STAB2: variants seen among roughly 807,000 people sequenced by gnomAD.
The protein encoded by STAB2 is stabilin-2.
Under a neutral mutation model 338.1 loss-of-function variants are expected in STAB2, and 288 were observed. The observed-to-expected ratio is 0.85, with a 90% CI of 0.77 to 0.94. The LOEUF (loss-of-function observed/expected upper bound fraction) is 0.94. Ranked by LOEUF, STAB2 falls within the 40% of genes least tolerant of loss-of-function variation. The pLI is 0.00. For synonymous variants in STAB2, 1,202 were observed against 1,193.3 expected (o/e 1.01, Z -0.15); for missense variants, 3,141 against 3,210.1 (o/e 0.98, Z 0.52).
intron 47 of STAB2, 128 bp from the exon 48 acceptor site, chr12:103,728,721 A>C: frequency 1.7e-6 from 2 of 1,198,400 alleles, no homozygotes; most frequent in East Asian, 4.7e-5. Flanking sequence ...CTGACCACAA[A>C]GCTTACTTCC....
At chr12:103,760,348 C>T (rs922230898) in intron 65 of STAB2, among the ~76,000 whole-genome samples, 1 of 152,180 alleles carries the variant, frequency 6.6e-6, no homozygotes, top group African/African-American at 2.4e-5. Flanking sequence ...GCAACCTCCC[C>T]CTCCTGGATT....
chr12:103,661,972 G>A (rs755144461), intron 17 of STAB2, among the ~76,000 whole-genome samples: 1 of 152,168 alleles, frequency 6.6e-6, no homozygotes, highest in Non-Finnish European at 1.5e-5. Context: ...AGGAGAAGCA[G>A]TTGGAGGATT....
Position 103,762,750 on chromosome 12 carries a change from A to G in STAB2, c.7488+348A>G, listed in dbSNP as rs143040590. On this transcript the variant is annotated intron_variant, in intron 67 of 68. Transcript: ENST00000388887. ...AGGATTCACTGCACAAGCACACCCCATGACCTAGCTTGGGCTTCAAGACCG... is the reference window on the plus strand; with the variant it reads ...AGGATTCACTGCACAAGCACACCCCGTGACCTAGCTTGGGCTTCAAGACCG... 1.9e-3 allele frequency among the ~76,000 whole-genome samples: 290 copies of G among 152,326 alleles called. 1 individual carries two copies. The highest frequency in any genetic ancestry group is 6.6e-3 in the African/African-American group (273 of 41,582).
At chr12:103,692,929 T>A in intron 31 of STAB2, 40 bp downstream of exon 31, 3 of 1,566,648 alleles carry the variant, frequency 1.9e-6, no homozygotes, top group Non-Finnish European at 2.6e-6. Flanking sequence ...GCATCTCTTT[T>A]CCCTTTGTTG....
At chr12:103,708,146 T>C (rs1879533191) in intron 38 of STAB2, among the ~76,000 whole-genome samples, 1 of 152,126 alleles carries the variant, frequency 6.6e-6, no homozygotes, top group South Asian at 2.1e-4. Flanking sequence ...GATCCTCAGG[T>C]AACCTTGACT....
intron 27 of STAB2, among the ~76,000 whole-genome samples, chr12:103,687,953 G>C (rs962471028): frequency 1.3e-5 from 2 of 152,220 alleles, no homozygotes; most frequent in Admixed American, 1.3e-4. Context: ...AGCCACCTTA[G>C]TGTGAAAGAA....
At chr12:103,649,147 G>A (rs921462087) in intron 10 of STAB2, among the ~76,000 whole-genome samples, 7 of 152,166 alleles carry the variant, frequency 4.6e-5, no homozygotes, top group African/African-American at 7.2e-5. Flanking sequence ...TGTCCCCCTC[G>A]TCCTTGACCT....
chr12:103,757,430 T>C (rs1441303085), intron 63 of STAB2, among the ~76,000 whole-genome samples: 1 of 152,160 alleles, frequency 6.6e-6, no homozygotes, highest in East Asian at 1.9e-4. Context: ...TTGAGATATA[T>C]CAGTGAACAA....
intron 47 of STAB2, among the ~76,000 whole-genome samples, chr12:103,728,609 A>AG (rs1394756240): frequency 6.6e-6 from 1 of 152,252 alleles, no homozygotes; most frequent in Non-Finnish European, 1.5e-5. Flanking sequence ...TCCAGGCCAG[A>AG]GGAACCCCAT....
intron 15 of STAB2, among the ~76,000 whole-genome samples, chr12:103,657,250 A>G (rs1327186929): frequency 6.7e-6 from 1 of 150,364 alleles, no homozygotes; most frequent in Non-Finnish European, 1.5e-5. Flanking sequence ...AAAAAAAGGT[A>G]ATGTTGTTCC....
At chr12:103,733,763 A>G (rs1042139192) in intron 51 of STAB2, among the ~76,000 whole-genome samples, 8 of 152,086 alleles carry the variant, frequency 5.3e-5, no homozygotes, top group Non-Finnish European at 1.2e-4. Context: ...AGGAACATAC[A>G]TGATCATATA....
At chr12:103,673,083 A>G (rs991614924) in intron 22 of STAB2, among the ~76,000 whole-genome samples, 3 of 152,186 alleles carry the variant, frequency 2.0e-5, no homozygotes, top group Admixed American at 1.3e-4. Context: ...TCAGTGCCCA[A>G]ATATCGCCTA....
At position 103,701,006 on chromosome 12, in the gene STAB2, C is replaced by A. The variant is rs867401988; in HGVS notation, c.3714+1779C>A. On this transcript the variant is annotated intron_variant, in intron 34 of 68. Coordinates refer to ENST00000388887, the MANE Select transcript of STAB2 (RefSeq NM_017564.10). ...TGCTATCCCTCCCCCCTCCCCCCTGCCCCCACCCCACAACAGTCCCCAGAG... is the reference window on the plus strand; with the variant it reads ...TGCTATCCCTCCCCCCTCCCCCCTGACCCCACCCCACAACAGTCCCCAGAG... Among the ~76,000 whole-genome samples, 1,293 of 133,936 alleles carry A rather than the reference C, an allele frequency of 9.7e-3. 12 individuals carry two copies. Among genetic ancestry groups the A allele is most frequent in the Middle Eastern group, 0.022 (6 of 276 alleles). 87.9% of individuals were successfully genotyped at this position (133,936 alleles called of 152,430 possible).
intron 4 of STAB2, among the ~76,000 whole-genome samples, 167 bp from the exon 5 acceptor site, chr12:103,621,875 G>T (rs971092614): frequency 1.3e-5 from 2 of 152,216 alleles, no homozygotes; most frequent in African/African-American, 4.8e-5. Flanking sequence ...ATGACATGGG[G>T]ATTAATGCAT....
chr12:103,740,239 T>C (rs879740284), intron 54 of STAB2, among the ~76,000 whole-genome samples: 4 of 152,094 alleles, frequency 2.6e-5, no homozygotes, highest in Non-Finnish European at 5.9e-5. Flanking sequence ...CAAAAATATC[T>C]CTACAAAACA....
At chr12:103,695,977 G>GCCTCACA in intron 33 of STAB2, 133 bp downstream of exon 33, 2 of 830,704 alleles carry the variant, frequency 2.4e-6, no homozygotes, top group Non-Finnish European at 3.9e-6. Flanking sequence ...GTAGACTGGT[G>GCCTCACA]CAGAGACTCT....
chr12:103,712,077 A>G (rs1025583764), intron 40 of STAB2, among the ~76,000 whole-genome samples: 3 of 152,208 alleles, frequency 2.0e-5, no homozygotes, highest in South Asian at 2.1e-4. Context: ...TACATGAAAC[A>G]TGGCTCCTAG....
At chr12:103,742,970 A>G (rs1473785218) in intron 56 of STAB2, among the ~76,000 whole-genome samples, 1 of 151,990 alleles carries the variant, frequency 6.6e-6, no homozygotes, top group East Asian at 1.9e-4. Flanking sequence ...AGATGAAGAA[A>G]CCAAGGTACA....
chr12:103,766,159 A>G, intron 68 of STAB2, 127 bp from the exon 69 acceptor site: 1 of 1,288,286 alleles, frequency 7.8e-7, no homozygotes, highest in Non-Finnish European at 1.1e-6. Flanking sequence ...ACAAACAAAC[A>G]CGCCCAGCAC....
Sources: allele counts gnomAD v4.1 joint callset (sites outside exome capture counted in the v4.1 genomes callset), GRCh38; gene constraint gnomAD v4.1.1; transcripts MANE v1.5; gene names NCBI Gene and HGNC (gene_info 2026-07-23, HGNC 2026-07-21).